Variants in AGBL4 observed in about 807,000 individuals in gnomAD.
AGBL4 encodes the protein AGBL carboxypeptidase 4.
In AGBL4, 58 loss-of-function variants were observed where a neutral mutation model predicts 66.4. The observed-to-expected ratio is 0.87, with a 90% CI of 0.71 to 1.09. The LOEUF (loss-of-function observed/expected upper bound fraction) is 1.09. Among genes scored for constraint, AGBL4 ranks in the 50% least tolerant of loss-of-function variants. The pLI, the probability that AGBL4 is intolerant of heterozygous loss-of-function variation, is 0.00. For synonymous variants in AGBL4, 234 were observed against 222.9 expected (o/e 1.05, Z -0.44); for missense variants, 579 against 631.0 (o/e 0.92, Z 0.88).
At chr1:49,776,470 C>G (rs1250447319) in intron 2 of AGBL4, among the ~76,000 whole-genome samples, 1 of 152,010 alleles carries the variant, frequency 6.6e-6, no homozygotes, top group Non-Finnish European at 1.5e-5. Context: ...GTTCAGAGGC[C>G]CTTATATGAT....
intron 4 of AGBL4, among the ~76,000 whole-genome samples, chr1:49,234,499 A>G (rs1650563558): frequency 6.6e-6 from 1 of 152,238 alleles, no homozygotes; most frequent in African/African-American, 2.4e-5. Context: ...GGTATATAAA[A>G]GAGCATTGGT....
At chr1:49,869,997 T>C (rs1320391548) in intron 1 of AGBL4, among the ~76,000 whole-genome samples, 4 of 152,170 alleles carry the variant, frequency 2.6e-5, no homozygotes, top group Admixed American at 6.5e-5. Flanking sequence ...TGATAAATGT[T>C]TGAGGTAATT....
At chr1:48,946,062 C>A (rs753736291) in intron 5 of AGBL4, among the ~76,000 whole-genome samples, 1 of 152,202 alleles carries the variant, frequency 6.6e-6, no homozygotes, top group Non-Finnish European at 1.5e-5. Flanking sequence ...ACGAGGAACA[C>A]CATTCTCTTC....
At chr1:48,786,542 C>T (rs1645411607) in intron 6 of AGBL4, among the ~76,000 whole-genome samples, 1 of 152,168 alleles carries the variant, frequency 6.6e-6, no homozygotes, top group African/African-American at 2.4e-5. Flanking sequence ...GAGAATTAGA[C>T]CCTATGGGAA....
At chr1:49,004,309 T>C (rs188341684) in intron 5 of AGBL4, among the ~76,000 whole-genome samples, 2 of 148,694 alleles carry the variant, frequency 1.3e-5, no homozygotes, top group African/African-American at 5.2e-5. Context: ...AGGAAACAGA[T>C]CATCAAGAGA....
intron 3 of AGBL4, among the ~76,000 whole-genome samples, chr1:49,487,169 G>A (rs778680394): frequency 3.9e-5 from 6 of 151,926 alleles, no homozygotes; most frequent in Non-Finnish European, 7.4e-5. Flanking sequence ...ATGCTATTGA[G>A]TTTTACTCAG....
intron 2 of AGBL4, among the ~76,000 whole-genome samples, chr1:49,735,331 GTGT>G (rs1318369780): frequency 2.7e-5 from 4 of 148,256 alleles, no homozygotes; most frequent in South Asian, 2.1e-4. Context: ...GTGTGTGTGT[GTGT>G]AGAGAGAGAG....
intron 5 of AGBL4, among the ~76,000 whole-genome samples, chr1:48,905,220 A>C (rs1045099326): frequency 1.3e-5 from 2 of 152,196 alleles, no homozygotes; most frequent in African/African-American, 4.8e-5. Flanking sequence ...CAGCCCCTCT[A>C]TGAAAGACAC....
At chr1:49,350,438 C>T (rs900682778) in intron 3 of AGBL4, among the ~76,000 whole-genome samples, 104 of 152,062 alleles carry the variant, frequency 6.8e-4, no homozygotes, top group Admixed American at 2.0e-3. Flanking sequence ...CTCCTGACCT[C>T]GTGATCCGCC....
At chr1:49,563,671 G>A (rs1420579762) in intron 3 of AGBL4, among the ~76,000 whole-genome samples, 1 of 152,106 alleles carries the variant, frequency 6.6e-6, no homozygotes, top group African/African-American at 2.4e-5. Context: ...ACTTGATCAT[G>A]GTGGATAAGC....
chr1:49,176,499 G>C (rs1417945588), intron 4 of AGBL4, among the ~76,000 whole-genome samples: 3 of 152,032 alleles, frequency 2.0e-5, no homozygotes, highest in Admixed American at 1.3e-4. Context: ...CCTTATAATG[G>C]GACAATCCCT....
At chr1:49,717,862 T>C (rs757116638) in intron 2 of AGBL4, among the ~76,000 whole-genome samples, 20 of 152,126 alleles carry the variant, frequency 1.3e-4, no homozygotes, top group Middle Eastern at 3.4e-3. Flanking sequence ...TGAGGTAATA[T>C]ATTAAAGCTC....
At chr1:49,205,044 A>T (rs946506141) in intron 4 of AGBL4, among the ~76,000 whole-genome samples, 1 of 152,088 alleles carries the variant, frequency 6.6e-6, no homozygotes, top group Non-Finnish European at 1.5e-5. Context: ...ATTTTGTGTC[A>T]GCTGGCTCTT....
intron 4 of AGBL4, among the ~76,000 whole-genome samples, chr1:49,046,040 A>G (rs1644071526): frequency 6.6e-6 from 1 of 152,224 alleles, no homozygotes; most frequent in South Asian, 2.1e-4. Flanking sequence ...GTTAAACAAA[A>G]ATAGACACAT....
In AGBL4 at chr1:48,580,802, G is replaced by A. The variant is rs1644728012; in HGVS notation, c.1267+6202C>T. Among the ~76,000 whole-genome samples, 4 of 152,192 alleles carry A rather than the reference G, an allele frequency of 2.6e-5. No homozygotes were observed. In the South Asian group the frequency reaches 8.3e-4, roughly 32 times the overall value. ...ACAAATCTTTCTCTTTCTCTCCATG[G>A]TCTGGCTCTGCCTATATTTATTAAT... On this transcript the variant is annotated intron_variant, in intron 11 of 13. Transcript: ENST00000371839.
intron 4 of AGBL4, among the ~76,000 whole-genome samples, chr1:49,165,689 G>A (rs916048519): frequency 6.6e-6 from 1 of 151,086 alleles, no homozygotes; most frequent in Non-Finnish European, 1.5e-5. Context: ...AAGAGATGGA[G>A]GAAAGGAGGG....
intron 3 of AGBL4, among the ~76,000 whole-genome samples, chr1:49,547,740 A>G (rs1652607868): frequency 6.8e-6 from 1 of 147,240 alleles, no homozygotes; most frequent in South Asian, 2.1e-4. Context: ...TAAGTATTTT[A>G]TTTATTTCTG....
intron 6 of AGBL4, chr1:48,761,339 T>G: frequency 6.5e-7 from 1 of 1,548,478 alleles, no homozygotes; most frequent in Non-Finnish European, 8.7e-7. Flanking sequence ...TTTGTTACCT[T>G]GATGTGTCTA....
At chr1:48,527,720 C>G in the AGBL4 span, among the ~76,000 whole-genome samples, 1 of 151,642 alleles carries the variant, frequency 6.6e-6, no homozygotes, top group Non-Finnish European at 1.5e-5. Context: ...TGAGCTAAGT[C>G]TTGAATGATG....
Sources: gnomAD v4.1 joint callset for allele counts (sites outside exome capture counted in the v4.1 genomes callset) on GRCh38, gnomAD v4.1.1 for gene constraint, MANE v1.5 for transcripts, NCBI Gene and HGNC (gene_info 2026-07-23, HGNC 2026-07-21) for gene names.